The following AFDN variants were observed in gnomAD, a reference collection of about 807,000 sequenced individuals.
AFDN encodes the protein afadin, adherens junction formation factor.
In AFDN, 68 loss-of-function variants were observed where a neutral mutation model predicts 216.6. The ratio of observed to expected loss-of-function variants is 0.31; its 90% CI spans 0.26 to 0.38. AFDN has a LOEUF of 0.38. Ranked by LOEUF, AFDN falls within the 10% of genes least tolerant of loss-of-function variation. The probability of loss-of-function intolerance (pLI) is 1.00; values close to 1 mark genes in which losing one functional copy is unlikely to be tolerated. For synonymous variants in AFDN, 868 were observed against 853.7 expected (o/e 1.02, Z -0.29); for missense variants, 2,136 against 2,342.0 (o/e 0.91, Z 1.82).
Position 167,962,338 on chromosome 6 carries a change from T to G in AFDN, c.4834-95T>G. 1.3e-6 allele frequency: 2 copies of G among 1,485,338 alleles called. No homozygotes were observed. Among genetic ancestry groups the G allele is most frequent in the South Asian group, 1.3e-5 (1 of 76,306 alleles). 92.0% of individuals were successfully genotyped at this position (1,485,338 alleles called of 1,614,324 possible). ...TATTTAACTTTCTGTGTGTGTGTGT[T>G]TGTGTATATGTGTGTCTACTTGTCT... On this transcript the variant is annotated intron_variant, in intron 30 of 33. Transcript: ENST00000683244. This position sits in a 1 kb window ranked among gnomAD's most constrained non-coding sequence, Gnocchi z 5.2.
chr6:167,948,352 A>G lies in AFDN; in HGVS notation c.3705A>G (p.Arg1235=). The part of the protein sequence containing the change: ...AYPIPTQTYT[R]EYFTFPASKS... ...CCATCCCCACTCAGACGTACACCAG[A>G]GAGTATTTTACCTTCCCAGCTTCCA... Residue 1235 remains arginine (R), a synonymous_variant, in exon 29 of 34, where the codon AGA becomes AGG. Transcript: ENST00000683244. 1 of 1,614,172 alleles carries G rather than the reference A, an allele frequency of 6.2e-7. No individual in the cohort carries two copies. Among genetic ancestry groups the G allele is most frequent in the Non-Finnish European group, 8.5e-7 (1 of 1,180,028 alleles).
chr6:167,969,170 C>G lies in AFDN; in HGVS notation c.5314C>G (p.Arg1772Gly), dbSNP rs540701101. 6.2e-7 allele frequency: 1 copy of G among 1,613,894 alleles called. No individual in the cohort carries two copies. The highest frequency in any genetic ancestry group is 8.5e-7 in the Non-Finnish European group (1 of 1,179,818). ...GAAVGAHDAC[R>G]DAKEKRSKSQ... ...AGCTGTTGGAGCCCATGACGCCTGT[C>G]GGGATGCAAAAGAGAAGCGCTCTAA... The change falls in exon 33 of 34, where the codon CGG (arginine) becomes GGG (glycine). Residue 1772 changes from arginine (R) to glycine (G), a missense_variant. Around this residue, in one of 8 missense-constraint regions of AFDN, gnomAD observed 981 missense variants for 966.0 expected, o/e 1.02. Coordinates refer to ENST00000683244, the MANE Select transcript of AFDN (RefSeq NM_001386888.1).
Position 167,956,134 on chromosome 6 carries a change from A to AAAAC in AFDN, c.4833+3950_4833+3951insCAAA, listed in dbSNP as rs1235748211. ...TGGCTCAAAAAAAAAAAAAAAAAAA[A>AAAAC]AAAAAACTATAGAATTCTTTTTATG... is the stretch of plus-strand genomic sequence containing the variant. On this transcript the variant is annotated intron_variant, in intron 30 of 33. Transcript: ENST00000683244. Among the ~76,000 whole-genome samples the AAAAC allele has an allele frequency of 7.9e-5, 12 of 151,164 alleles. 1 individual carries two copies. Among genetic ancestry groups the AAAAC allele is most frequent in the Admixed American group, 4.0e-4 (6 of 15,182 alleles).
At chr6:167,908,506 A>G (rs1789998583) in intron 13 of AFDN, among the ~76,000 whole-genome samples, 7 of 152,194 alleles carry the variant, frequency 4.6e-5, no homozygotes, top group Admixed American at 4.6e-4. Context: ...GTAAATTGGT[A>G]TTGTAAGGAA....
chr6:167,957,425 C>A (rs1796628519), intron 30 of AFDN, among the ~76,000 whole-genome samples: 1 of 152,158 alleles, frequency 6.6e-6, no homozygotes, highest in African/African-American at 2.4e-5. Context: ...GGCCAAGGTC[C>A]CAAGCTCTCG....
At chr6:167,827,346 T>TCCCCCCTCCGCCCCTTCTCTCCCC (rs1779230990) in intron 1 of AFDN, 109 bp downstream of exon 1, 5 of 119,196 alleles carry the variant, frequency 4.2e-5, no homozygotes, top group Non-Finnish European at 5.7e-5. Flanking sequence ...CCTTTCCCCC[T>TCCCCCCTCCGCCCCTTCTCTCCCC]CCCCCCTCCG....
intron 1 of AFDN, among the ~76,000 whole-genome samples, chr6:167,837,485 C>T (rs765556602): frequency 4.3e-4 from 65 of 150,896 alleles, no homozygotes; most frequent in Non-Finnish European, 8.3e-4. Context: ...AGTACTGAAT[C>T]GTGTTTCTTA....
intron 7 of AFDN, 139 bp downstream of exon 7, chr6:167,889,465 C>A: frequency 3.3e-6 from 2 of 608,748 alleles, no homozygotes; most frequent in South Asian, 2.6e-5. Context: ...GACAGTCTCA[C>A]TCTTGTTGCC....
rs1795626271 is a variant in AFDN at position 167,948,736 on chromosome 6, A to AT, written c.3831+260dup. On this transcript the variant is annotated intron_variant, in intron 29 of 33. Transcript: ENST00000683244. ...ACAATTTTTAAGACAAAGTTCACTG[A>AT]TTCTAGAAGTGAGAAATTAGAACTC... 2.0e-5 allele frequency among the ~76,000 whole-genome samples: 3 copies of AT among 152,362 alleles called. No individual in the cohort carries two copies. The South Asian group carries it at 6.2e-4, about 32-fold the overall frequency.
chr6:167,945,770 A>G (rs1258139245), intron 26 of AFDN, among the ~76,000 whole-genome samples: 1 of 152,202 alleles, frequency 6.6e-6, no homozygotes, highest in Admixed American at 6.5e-5. Context: ...ATTTTCTGGA[A>G]CTGTGGTTTT....
intron 30 of AFDN, among the ~76,000 whole-genome samples, chr6:167,956,833 C>T (rs1343041105): frequency 6.6e-6 from 1 of 152,184 alleles, no homozygotes; most frequent in Non-Finnish European, 1.5e-5. Flanking sequence ...TGACCAGAGC[C>T]TCTCTCCTTT....
chr6:167,947,242 C>T lies in AFDN; in HGVS notation c.3553+341C>T, dbSNP rs1226943844. Among the ~76,000 whole-genome samples, 6 of 151,534 alleles carry T rather than the reference C, an allele frequency of 4.0e-5. No individual in the cohort carries two copies. In the East Asian group the frequency reaches 5.8e-4, roughly 15 times the overall value. On this transcript the variant is annotated intron_variant, in intron 27 of 33. Coordinates refer to ENST00000683244, the MANE Select transcript of AFDN (RefSeq NM_001386888.1). ...CAGGCTGGAGTGCAGTGCAGTGGCGCGATCTCGGCTAACTGCAAGCTCCAC... is the reference window on the plus strand; with the variant it reads ...CAGGCTGGAGTGCAGTGCAGTGGCGTGATCTCGGCTAACTGCAAGCTCCAC...
intron 1 of AFDN, among the ~76,000 whole-genome samples, chr6:167,848,784 A>G (rs553602328): frequency 2.0e-5 from 3 of 152,282 alleles, no homozygotes; most frequent in East Asian, 1.9e-4. Context: ...GTCGGTGAGC[A>G]TGTTTTCATA....
chr6:167,878,588 T>A (rs147389113), intron 5 of AFDN, among the ~76,000 whole-genome samples: 1,559 of 98,072 alleles, frequency 0.016, 32 homozygotes, highest in African/African-American at 0.046. Context: ...ACACACCCAC[T>A]CTCTCTCTCT....
At position 167,969,111 on chromosome 6, in the gene AFDN, A is replaced by G; in HGVS notation, c.5258-3A>G. ...AACTTGTACTGTTTCTTTCATGGAA[A>G]AGGACCAAACTCTTACCCAGGATCT... On this transcript the variant is annotated splice_region_variant and splice_polypyrimidine_tract_variant and intron_variant, in intron 32 of 33. Transcript: ENST00000683244. The G allele has an allele frequency of 1.2e-6, 2 of 1,611,792 alleles. No homozygotes were observed. Among genetic ancestry groups the G allele is most frequent in the South Asian group, 1.1e-5 (1 of 91,050 alleles).
chr6:167,876,100 T>C (rs527460218), intron 5 of AFDN, among the ~76,000 whole-genome samples: 2 of 152,340 alleles, frequency 1.3e-5, no homozygotes, highest in Admixed American at 6.5e-5. Context: ...GCATGGTCAC[T>C]TGCTTCTGCA....
At chr6:167,958,490 A>G (rs553755450) in intron 30 of AFDN, among the ~76,000 whole-genome samples, 3 of 152,320 alleles carry the variant, frequency 2.0e-5, no homozygotes, top group East Asian at 3.9e-4. Flanking sequence ...TGGTTTGACA[A>G]ATCTCTCAGT....
chr6:167,839,308 G>C (rs912925786), intron 1 of AFDN, among the ~76,000 whole-genome samples: 3 of 151,284 alleles, frequency 2.0e-5, no homozygotes, highest in Non-Finnish European at 4.4e-5. Flanking sequence ...AAATAGTTAT[G>C]TGCCTGTTTC....
intron 23 of AFDN, among the ~76,000 whole-genome samples, chr6:167,936,440 A>G (rs530181978): frequency 6.6e-6 from 1 of 152,370 alleles, no homozygotes; most frequent in African/African-American, 2.4e-5. Context: ...GTAAATATAA[A>G]GACACTAATT....
Sources: allele counts gnomAD v4.1 joint callset (sites outside exome capture counted in the v4.1 genomes callset), GRCh38; gene constraint gnomAD v4.1.1; regional missense constraint gnomAD v4.1.1; non-coding constraint Gnocchi (gnomAD v3.1); transcripts MANE v1.5; gene names NCBI Gene and HGNC (gene_info 2026-07-23, HGNC 2026-07-21).